The following SPTA1 variants were observed in gnomAD, a reference collection of about 807,000 sequenced individuals.
The protein encoded by SPTA1 is spectrin alpha, erythrocytic 1.
Under a neutral mutation model 324.7 loss-of-function variants are expected in SPTA1, and 177 were observed. That is an observed-to-expected ratio of 0.55 (90% CI 0.48 to 0.62). SPTA1 has a LOEUF of 0.62. Ranked by LOEUF, SPTA1 falls within the 20% of genes least tolerant of loss-of-function variation. The pLI, the probability that SPTA1 is intolerant of heterozygous loss-of-function variation, is 0.00. For synonymous variants in SPTA1, 1,195 were observed against 1,041.3 expected, an observed-to-expected ratio of 1.15 and a Z score of -2.84; for missense variants, 3,162 against 2,883.6, an observed-to-expected ratio of 1.10 and a Z score of -2.21.
rs1652094925 is a variant in SPTA1 at position 158,647,612 on chromosome 1, G to A, written c.3823C>T (p.Gln1275Ter). 1.2e-6 allele frequency: 2 copies of A among 1,613,784 alleles called. No homozygotes were observed. The highest frequency in any genetic ancestry group is 1.7e-6 in the Non-Finnish European group (2 of 1,179,944). The change falls in exon 27 of 52, where the codon CAG becomes TAG. Residue 1275 changes from glutamine to a stop codon, truncating the protein, a stop_gained. Coordinates refer to ENST00000643759, the MANE Select transcript of SPTA1 (RefSeq NM_003126.4). LOFTEE classifies it high-confidence loss of function. ...TCCTTACGATCCTTTGTACGCCCCT[G>A]CAGGTCTTCCCAGGCCTCATTCAGC... ...MELNEAWEDL[Q>*]GRTKDRKESL...
At chr1:158,666,797 ACT>A (rs1415015202) in intron 15 of SPTA1, among the ~76,000 whole-genome samples, 4 of 152,050 alleles carry the variant, frequency 2.6e-5, no homozygotes, top group Non-Finnish European at 2.9e-5. Flanking sequence ...TGTGATTTTT[ACT>A]CTCTATCCAG....
In SPTA1 at chr1:158,666,327, C is replaced by T. The variant is rs779317119; in HGVS notation, c.2209G>A (p.Ala737Thr). ...RKHGLLESAV[A>T]ARQDQVDILT... ...AGCTAACAACAAACCTGACGAGCAG[C>T]CACAGCCGACTCCAGGAGGCCGTGT... Residue 737 changes from alanine to threonine, a missense_variant, in exon 16 of 52, where the codon GCT becomes ACT. By Grantham distance (58) the Ala-to-Thr change is moderately conservative (BLOSUM62 0). Transcript: ENST00000643759. The T allele has an allele frequency of 5.2e-5, 84 of 1,613,578 alleles. No individual in the cohort carries two copies. The highest frequency in any genetic ancestry group is 3.1e-5 in the Non-Finnish European group (37 of 1,179,966).
chr1:158,614,249 T>C lies in SPTA1; in HGVS notation c.6842+4A>G. ...GAAGCAGTTAACTATGAAATTATACTCACTTATAGATTGTGCTAAATTCCT... is the reference window on the plus strand; with the variant it reads ...GAAGCAGTTAACTATGAAATTATACCCACTTATAGATTGTGCTAAATTCCT... On this transcript the variant is annotated splice_donor_region_variant and intron_variant, in intron 49 of 51. Coordinates refer to ENST00000643759, the MANE Select transcript of SPTA1 (RefSeq NM_003126.4). 1.3e-6 allele frequency: 2 copies of C among 1,576,212 alleles called. No individual in the cohort carries two copies. Among genetic ancestry groups the C allele is most frequent in the Non-Finnish European group, 1.7e-6 (2 of 1,146,184 alleles).
intron 33 of SPTA1, among the ~76,000 whole-genome samples, chr1:158,641,470 A>C (rs1262227948): frequency 6.6e-6 from 1 of 152,184 alleles, no homozygotes; most frequent in Non-Finnish European, 1.5e-5. Context: ...CAAGAAAAAA[A>C]CAAACAACCC....
At chr1:158,643,453 G>C in intron 30 of SPTA1, 28 bp from the exon 31 acceptor site, 1 of 1,601,340 alleles carries the variant, frequency 6.2e-7, no homozygotes, top group Non-Finnish European at 8.5e-7. Context: ...AAAGAGCCCA[G>C]ATGCTTGGAG....
chr1:158,638,284 A>G lies in SPTA1; in HGVS notation c.4981-43T>C, dbSNP rs761531031. On this transcript the variant is annotated intron_variant, in intron 35 of 51. Transcript: ENST00000643759. ...ACTCAGTGAATAGTATAGTATAGGC[A>G]TTACTCAGATCCCACACTTTAACAA... The G allele has an allele frequency of 3.8e-6, 6 of 1,578,588 alleles. No homozygotes were observed. The Admixed American group carries it at 6.8e-5, about 18-fold the overall frequency.
rs763708770 is a variant in SPTA1 at position 158,652,514 on chromosome 1, G to C, written c.3328C>G (p.Leu1110Val). 6.2e-7 allele frequency: 1 copy of C among 1,614,118 alleles called. No homozygotes were observed. The highest frequency in any genetic ancestry group is 1.6e-4 in the Middle Eastern group (1 of 6,062). ...EKKAENTGVE[L>V]DDVWELQKKF... ...TTCTGCAGCTCCCAAACATCATCTA[G>C]TTCCACTCCAGTGTTTTCTGCCTTT... The change falls in exon 23 of 52, where the codon CTA (leucine) becomes GTA (valine). Residue 1110 changes from leucine to valine, a missense_variant. By Grantham distance (32) the Leu-to-Val change is conservative (BLOSUM62 1). Coordinates refer to ENST00000643759, the MANE Select transcript of SPTA1 (RefSeq NM_003126.4).
intron 42 of SPTA1, 109 bp from the exon 43 acceptor site, chr1:158,623,301 T>A (rs1431884368): frequency 2.1e-6 from 2 of 953,854 alleles, no homozygotes; most frequent in Admixed American, 1.7e-5. Context: ...AGAATTAAGA[T>A]GATGATTAAG....
At chr1:158,663,607 T>C (rs1653399310) in intron 16 of SPTA1, among the ~76,000 whole-genome samples, 1 of 152,184 alleles carries the variant, frequency 6.6e-6, no homozygotes, top group Admixed American at 6.5e-5. Context: ...ACTACATTTT[T>C]ATTAGTGAGG....
At position 158,677,723 on chromosome 1, in the gene SPTA1, T is replaced by C; in HGVS notation, c.924A>G (p.Gly308=). 3 of 1,613,594 alleles carry C rather than the reference T, an allele frequency of 1.9e-6. No individual in the cohort carries two copies. The highest frequency in any genetic ancestry group is 1.3e-5 in the African/African-American group (1 of 75,008). ...ASEGLFHSHK[G]LERNLAVMSD... ...TCATGACAGCAAGATTTCTCTCAAG[T>C]CCCTTGTGACTGTGAAACAGTCCTT... The change falls in exon 7 of 52, where the codon GGA becomes GGG. Residue 308 remains glycine (G), a synonymous_variant. Transcript: ENST00000643759.
chr1:158,648,148 C>T (rs1370332092), intron 26 of SPTA1, among the ~76,000 whole-genome samples: 2 of 152,156 alleles, frequency 1.3e-5, no homozygotes, highest in Non-Finnish European at 2.9e-5. Flanking sequence ...AAAACATGCA[C>T]CATACTCAGA....
intron 18 of SPTA1, among the ~76,000 whole-genome samples, chr1:158,660,113 G>A (rs1653112020): frequency 6.6e-6 from 1 of 152,040 alleles, no homozygotes; most frequent in East Asian, 1.9e-4. Context: ...TGATCTAAAG[G>A]AGACATAAAG....
chr1:158,645,063 G>C, intron 29 of SPTA1, 125 bp downstream of exon 29: 1 of 978,646 alleles, frequency 1.0e-6, no homozygotes. Flanking sequence ...AGGTAATTAA[G>C]AGATGAGCTC....
At chr1:158,648,688 G>T in intron 25 of SPTA1, 35 bp from the exon 26 acceptor site, 1 of 1,611,384 alleles carries the variant, frequency 6.2e-7, no homozygotes, top group Non-Finnish European at 8.5e-7. Context: ...TCAAAAGTAA[G>T]GATATGTACC....
chr1:158,654,946 T>C (rs1652722360), intron 20 of SPTA1, among the ~76,000 whole-genome samples, 198 bp from the exon 21 acceptor site: 1 of 152,124 alleles, frequency 6.6e-6, no homozygotes, highest in Non-Finnish European at 1.5e-5. Context: ...ACAGGCAGGT[T>C]GGGAACTATA....
chr1:158,652,348 G>T, intron 23 of SPTA1, 119 bp downstream of exon 23: 1 of 1,162,596 alleles, frequency 8.6e-7, no homozygotes, highest in Non-Finnish European at 1.3e-6. Context: ...CCACAGAGTT[G>T]CCAATAGCTT....
At chr1:158,615,079 G>A (rs1367834661) in intron 48 of SPTA1, 137 bp downstream of exon 48, 2 of 873,506 alleles carry the variant, frequency 2.3e-6, no homozygotes, top group African/African-American at 3.3e-5. Flanking sequence ...GTCATTCCGT[G>A]GGGCAGTAAA....
chr1:158,629,514 A>G (rs1392384420), intron 39 of SPTA1, among the ~76,000 whole-genome samples: 1 of 152,034 alleles, frequency 6.6e-6, no homozygotes, highest in African/African-American at 2.4e-5. Context: ...CAACAAACTA[A>G]GAACAGAGGG....
At chr1:158,670,824 T>C (rs1170028318) in intron 12 of SPTA1, among the ~76,000 whole-genome samples, 3 of 152,094 alleles carry the variant, frequency 2.0e-5, no homozygotes, top group East Asian at 1.9e-4. Flanking sequence ...AGTACTTAGA[T>C]ATCTAGATGT....
Sources: allele counts gnomAD v4.1 joint callset (sites outside exome capture counted in the v4.1 genomes callset), GRCh38; gene constraint gnomAD v4.1.1; transcripts MANE v1.5; gene names NCBI Gene and HGNC (gene_info 2026-07-23, HGNC 2026-07-21).